The following OSBPL3 variants were observed in gnomAD, a reference collection of about 807,000 sequenced individuals.
OSBPL3 encodes the protein oxysterol binding protein like 3.
A neutral mutation model predicts 120.1 loss-of-function variants in OSBPL3; 65 were observed. The observed-to-expected ratio is 0.54, with a 90% CI of 0.44 to 0.67. The LOEUF (loss-of-function observed/expected upper bound fraction) is 0.67. Ranked by LOEUF, OSBPL3 falls within the 30% of genes least tolerant of loss-of-function variation. The pLI is 0.00. For missense variants in OSBPL3, 1,004 were observed against 1,082.1 expected (o/e 0.93, Z 1.01); for synonymous variants, 416 against 402.6 (o/e 1.03, Z -0.40).
rs138085576 is a variant in OSBPL3, at chr7:24,865,421, A to T, written c.594T>A (p.Asn198Lys). The change falls in exon 7 of 23, where the codon AAT becomes AAA. Residue 198 changes from asparagine to lysine, a missense_variant. Physicochemically the swap from Asn to Lys is moderately conservative, Grantham distance 94 (BLOSUM62 0). Transcript: ENST00000313367. ...TCTCACCACCACAAGAAAATGATAC[A>T]TTGCTTCCAGTTTGAAATAAATTCT... Reference protein sequence around the residue: ...SKQNLFQTGSNVSFSCGGETR... With the variant: ...SKQNLFQTGSKVSFSCGGETR... The T allele has an allele frequency of 6.2e-7, 1 of 1,613,372 alleles. No individual in the cohort carries two copies. Among genetic ancestry groups the T allele is most frequent in the African/African-American group, 1.3e-5 (1 of 75,032 alleles).
rs767784718 is a variant in OSBPL3 at position 24,840,785 on chromosome 7, T to C, written c.1402-2A>G. ...GACATATGAGTCATCATCAGAAATC[T>C]ATGGGAAAGAAGAAATAACATTCAT... On this transcript the variant is annotated splice_acceptor_variant, in intron 13 of 22. Transcript: ENST00000313367. LOFTEE classifies it high-confidence loss of function. The C allele has an allele frequency of 7.6e-7, 1 of 1,316,946 alleles. No individual in the cohort carries two copies. Among genetic ancestry groups the C allele is most frequent in the Admixed American group, 2.2e-5 (1 of 46,216 alleles). The allele number at this position is 1,316,946 out of a possible 1,614,324, so 81.6% of individuals were successfully genotyped here.
In OSBPL3 at chr7:24,898,905, T is replaced by C. The variant is rs556837883; in HGVS notation, c.-149-6284A>G. Among the ~76,000 whole-genome samples, 1 of 152,298 alleles carries C rather than the reference T, an allele frequency of 6.6e-6. No homozygotes were observed. The highest frequency in any genetic ancestry group is 2.4e-5 in the African/African-American group (1 of 41,564). On this transcript the variant is annotated intron_variant, in intron 1 of 22. Coordinates refer to ENST00000313367, the MANE Select transcript of OSBPL3 (RefSeq NM_015550.4). The surrounding 1 kb of genome is among the most constrained non-coding windows in gnomAD (Gnocchi z 4.3). The stretch of plus-strand genomic sequence containing the variant: ...GCACTTCATTTCACCTTTTTAAAAA[T>C]CTATTCTAGACAGTTTGTCATCATT...
intron 12 of OSBPL3, among the ~76,000 whole-genome samples, chr7:24,844,411 G>C (rs1798149599): frequency 6.6e-6 from 1 of 150,974 alleles, no homozygotes; most frequent in Non-Finnish European, 1.5e-5. Flanking sequence ...GCTATCATTA[G>C]TGTTAGTGTA....
At position 24,879,182 on chromosome 7, in the gene OSBPL3, G is replaced by C. The variant is rs141438327; in HGVS notation, c.97-7113C>G. ...CACAGAGAAGATTCCAAGACTGGCAGGGAGTTTAGAACAAGTGAGCTATGA... is the reference window on the plus strand; with the variant it reads ...CACAGAGAAGATTCCAAGACTGGCACGGAGTTTAGAACAAGTGAGCTATGA... On this transcript the variant is annotated intron_variant, in intron 2 of 22. Coordinates refer to ENST00000313367, the MANE Select transcript of OSBPL3 (RefSeq NM_015550.4). This position sits in a 1 kb window ranked among gnomAD's most constrained non-coding sequence, Gnocchi z 5.6. Among the ~76,000 whole-genome samples the C allele has an allele frequency of 3.2e-3, 490 of 152,264 alleles. 5 individuals are homozygous for C. Among genetic ancestry groups the C allele is most frequent in the Non-Finnish European group, 1.7e-3 (117 of 68,014 alleles).
rs1264581774 is a variant in OSBPL3, at chr7:24,941,109, G to A, written c.-150+38777C>T. On this transcript the variant is annotated intron_variant, in intron 1 of 22. Coordinates refer to ENST00000313367, the MANE Select transcript of OSBPL3 (RefSeq NM_015550.4). ...GCTGGGATTACAGGCGTGAGCCACCGCACCCGGCCAACATTGCTTTCTTTT... is the reference window on the plus strand; with the variant it reads ...GCTGGGATTACAGGCGTGAGCCACCACACCCGGCCAACATTGCTTTCTTTT... Among the ~76,000 whole-genome samples the A allele has an allele frequency of 9.9e-5, 15 of 152,244 alleles. No homozygotes were observed. The East Asian group carries it at 2.3e-3, about 24-fold the overall frequency.
chr7:24,816,463 G>A, intron 18 of OSBPL3, 147 bp downstream of exon 18: 1 of 631,030 alleles, frequency 1.6e-6, no homozygotes, highest in Non-Finnish European at 2.8e-6. Context: ...CCAAAAGGAG[G>A]AACATTTAAA....
At chr7:24,841,414 CA>C (rs1199256711) in intron 13 of OSBPL3, among the ~76,000 whole-genome samples, 3 of 151,514 alleles carry the variant, frequency 2.0e-5, no homozygotes, top group African/African-American at 7.3e-5. Context: ...AGGTAGAAGT[CA>C]AAACTATTAA....
chr7:24,802,386 C>G lies in OSBPL3; in HGVS notation c.2567+1929G>C, dbSNP rs1792471004. ...CTGCTACTGCTGAACAACTCTCGCT[C>G]TTTCTCCAATTGAAAAAAATTTTCC... On this transcript the variant is annotated intron_variant, in intron 22 of 22. Transcript: ENST00000313367. The surrounding 1 kb of genome is among the most constrained non-coding windows in gnomAD (Gnocchi z 4.1). Among the ~76,000 whole-genome samples, 1 of 152,222 alleles carries G rather than the reference C, an allele frequency of 6.6e-6. No homozygotes were observed. Among genetic ancestry groups the G allele is most frequent in the South Asian group, 2.1e-4 (1 of 4,832 alleles).
In OSBPL3 at chr7:24,798,876, C is replaced by A. The variant is rs943706255; in HGVS notation, c.*1307G>T. 2.6e-5 allele frequency: 4 copies of A among 152,572 alleles called. No homozygotes were observed. The highest frequency in any genetic ancestry group is 5.9e-5 in the Non-Finnish European group (4 of 68,040). The allele number at this position is 152,572 out of a possible 1,614,324, so 9.5% of individuals were successfully genotyped here. On this transcript the variant is annotated 3_prime_UTR_variant, in exon 23 of 23. Coordinates refer to ENST00000313367, the MANE Select transcript of OSBPL3 (RefSeq NM_015550.4). The surrounding 1 kb of genome is among the most constrained non-coding windows in gnomAD (Gnocchi z 4.6). Reference sequence around the variant, plus strand: ...GGCTTTGGTTTTAATGTCATCTGGACAGAAGTTGGACATGCTTTGATAACA... The same window carrying A: ...GGCTTTGGTTTTAATGTCATCTGGAAAGAAGTTGGACATGCTTTGATAACA...
At position 24,849,102 on chromosome 7, in the gene OSBPL3, G is replaced by A. The variant is rs150573309; in HGVS notation, c.1233C>T (p.Pro411=). The A allele has an allele frequency of 4.7e-5, 76 of 1,613,688 alleles. No homozygotes were observed. In the African/African-American group the frequency reaches 7.6e-4, roughly 16 times the overall value. ...GATTGTCACCCGACTTGGCGACAGCGGGGGAGTCGAGGAGCAGAGACTCGG... is the reference window on the plus strand; with the variant it reads ...GATTGTCACCCGACTTGGCGACAGCAGGGGAGTCGAGGAGCAGAGACTCGG... The part of the protein sequence containing the change: ...IHAESLLLDS[P]AVAKSGDNLA... Residue 411 remains proline, a synonymous_variant, in exon 12 of 23, where the codon CCC becomes CCT. Coordinates refer to ENST00000313367, the MANE Select transcript of OSBPL3 (RefSeq NM_015550.4). This position sits in a 1 kb window ranked among gnomAD's most constrained non-coding sequence, Gnocchi z 5.4.
In OSBPL3 at chr7:24,894,660, C is replaced by T. The variant is rs944927657; in HGVS notation, c.-149-2039G>A. Among the ~76,000 whole-genome samples the T allele has an allele frequency of 1.3e-5, 2 of 151,930 alleles. No individual in the cohort carries two copies. The highest frequency in any genetic ancestry group is 2.1e-4 in the South Asian group (1 of 4,804). ...TTTGTGTGTGTGTGTACAAGCTTTG[C>T]TTTTGTTTTTTCTTTAAGGCTGAGG... is the stretch of plus-strand genomic sequence containing the variant. On this transcript the variant is annotated intron_variant, in intron 1 of 22. Coordinates refer to ENST00000313367, the MANE Select transcript of OSBPL3 (RefSeq NM_015550.4). The surrounding 1 kb of genome is among the most constrained non-coding windows in gnomAD (Gnocchi z 4.1).
rs367611073 is a variant in OSBPL3 at position 24,865,325 on chromosome 7, G to T, written c.673+17C>A. ...CTAATAGCCACAACAGAAAGCAGAC[G>T]TTTCAAGTCACTCTACCTTTGGAGC... is the stretch of plus-strand genomic sequence containing the variant. On this transcript the variant is annotated intron_variant, in intron 7 of 22. Coordinates refer to ENST00000313367, the MANE Select transcript of OSBPL3 (RefSeq NM_015550.4). 44 of 1,612,708 alleles carry T rather than the reference G, an allele frequency of 2.7e-5. No individual in the cohort carries two copies. The highest frequency in any genetic ancestry group is 3.3e-4 in the Middle Eastern group (2 of 6,082).
intron 2 of OSBPL3, among the ~76,000 whole-genome samples, chr7:24,880,074 C>T (rs1174795582): frequency 6.6e-6 from 1 of 152,166 alleles, no homozygotes; most frequent in East Asian, 1.9e-4. Flanking sequence ...ATGCAGCCCA[C>T]TGGGGTGGTG....
In OSBPL3 at chr7:24,940,614, AC is replaced by A. The variant is rs1179505041; in HGVS notation, c.-150+39271del. 1.3e-5 allele frequency among the ~76,000 whole-genome samples: 2 copies of A among 152,078 alleles called. No individual in the cohort carries two copies. Among genetic ancestry groups the A allele is most frequent in the Non-Finnish European group, 2.9e-5 (2 of 68,012 alleles). The stretch of plus-strand genomic sequence containing the variant: ...AAAGTGAGAGCACCAGTGTTTGGCC[AC>A]TGGAGCGGGCGGCTGAGGTGGTATG... On this transcript the variant is annotated intron_variant, in intron 1 of 22. Transcript: ENST00000313367. This position sits in a 1 kb window ranked among gnomAD's most constrained non-coding sequence, Gnocchi z 4.4.
intron 2 of OSBPL3, among the ~76,000 whole-genome samples, chr7:24,892,061 G>A (rs1805431245): frequency 6.6e-6 from 1 of 152,220 alleles, no homozygotes; most frequent in African/African-American, 2.4e-5. Flanking sequence ...TATTAGCTGT[G>A]TGTCCTTGGG....
At position 24,959,763 on chromosome 7, in the gene OSBPL3, A is replaced by G. The variant is rs1429166208; in HGVS notation, c.-150+20123T>C. On this transcript the variant is annotated intron_variant, in intron 1 of 22. Coordinates refer to ENST00000313367, the MANE Select transcript of OSBPL3 (RefSeq NM_015550.4). This position sits in a 1 kb window ranked among gnomAD's most constrained non-coding sequence, Gnocchi z 4.3. ...TATTCCTTTTAAAATGCCATTCAGG[A>G]ATAAATGTTTTTCTAAATGCTGACA... Among the ~76,000 whole-genome samples, 2 of 152,236 alleles carry G rather than the reference A, an allele frequency of 1.3e-5. No homozygotes were observed. Among genetic ancestry groups the G allele is most frequent in the Admixed American group, 1.3e-4 (2 of 15,282 alleles).
rs558816895 is a variant in OSBPL3, at chr7:24,964,324, A to G, written c.-150+15562T>C. ...ATGGTAGAGAAGCCTGACAAACACT[A>G]CCTCAACCAGATGAGCAAGGTCAAC... On this transcript the variant is annotated intron_variant, in intron 1 of 22. Transcript: ENST00000313367. This position sits in a 1 kb window ranked among gnomAD's most constrained non-coding sequence, Gnocchi z 4.2. Among the ~76,000 whole-genome samples, 2 of 152,324 alleles carry G rather than the reference A, an allele frequency of 1.3e-5. No homozygotes were observed. Among genetic ancestry groups the G allele is most frequent in the East Asian group, 3.9e-4 (2 of 5,186 alleles).
chr7:24,979,901 C>T lies in OSBPL3; in HGVS notation c.-165G>A. 2.1e-6 allele frequency: 2 copies of T among 968,658 alleles called. No homozygotes were observed. The highest frequency in any genetic ancestry group is 2.4e-6 in the Non-Finnish European group (2 of 821,484). 60.0% of individuals were successfully genotyped at this position (968,658 alleles called of 1,614,324 possible). On this transcript the variant is annotated 5_prime_UTR_variant, in exon 1 of 23. Coordinates refer to ENST00000313367, the MANE Select transcript of OSBPL3 (RefSeq NM_015550.4). Reference sequence around the variant, plus strand: ...CGCCACTCACCTGAGCGCTGTGCAGCCGGAGACGCTCCCTAGTTCCCCGGG... The same window carrying T: ...CGCCACTCACCTGAGCGCTGTGCAGTCGGAGACGCTCCCTAGTTCCCCGGG...
At position 24,865,963 on chromosome 7, in the gene OSBPL3, G is replaced by A. The variant is rs75558109; in HGVS notation, c.549+107C>T. On this transcript the variant is annotated intron_variant, in intron 6 of 22. Coordinates refer to ENST00000313367, the MANE Select transcript of OSBPL3 (RefSeq NM_015550.4). ...TTAAATACCAGCCCAAGCCTACCCT[G>A]CTTGTCCCCGAAAACTTTTCCTTCT... The A allele has an allele frequency of 1.6e-3, 1,361 of 826,634 alleles. 4 individuals carry two copies. In the African/African-American group the frequency reaches 0.02, roughly 12 times the overall value. 51.2% of individuals were successfully genotyped at this position (826,634 alleles called of 1,614,324 possible).
Sources: gnomAD v4.1 joint callset for allele counts (sites outside exome capture counted in the v4.1 genomes callset) on GRCh38, gnomAD v4.1.1 for gene constraint, Gnocchi (gnomAD v3.1) non-coding constraint, MANE v1.5 for transcripts, NCBI Gene and HGNC (gene_info 2026-07-23, HGNC 2026-07-21) for gene names.